Variants in ACE observed in about 807,000 individuals in gnomAD.
The protein encoded by ACE is angiotensin I converting enzyme.
ACE carries 122 observed loss-of-function variants against 162.3 expected under a neutral mutation model. The observed-to-expected ratio is 0.75, with a 90% CI of 0.65 to 0.87. ACE has a LOEUF of 0.87. Among genes scored for constraint, ACE ranks in the 40% least tolerant of loss-of-function variants. The pLI, the probability that ACE is intolerant of heterozygous loss-of-function variation, is 0.00. For missense variants in ACE, 1,799 were observed against 1,735.1 expected, an observed-to-expected ratio of 1.04 and a Z score of -0.65; for synonymous variants, 796 against 720.6, an observed-to-expected ratio of 1.10 and a Z score of -1.68.
intron 13 of ACE, 166 bp from the exon 14 acceptor site, chr17:63,486,391 C>T (rs1391030335): frequency 1.8e-5 from 13 of 738,190 alleles, no homozygotes; most frequent in South Asian, 1.3e-4. Flanking sequence ...GCATCCAGGA[C>T]GTTATCAGCG....
Position 63,489,056 on chromosome 17 carries a change from C to T in ACE, c.2565C>T (p.Tyr855=), listed in dbSNP as rs775109143. The stretch of plus-strand genomic sequence containing the variant: ...CACTCTACCTCAACCTGCATGCCTA[C>T]GTGCGCCGGGCCCTGCACCGTCACT... ...LQPLYLNLHA[Y]VRRALHRHYG... Residue 855 remains tyrosine (Y), a synonymous_variant, in exon 17 of 25, where the codon TAC becomes TAT. Transcript: ENST00000290866. 7 of 1,613,994 alleles carry T rather than the reference C, an allele frequency of 4.3e-6. No individual in the cohort carries two copies. Among genetic ancestry groups the T allele is most frequent in the East Asian group, 2.2e-5 (1 of 44,896 alleles).
In ACE at chr17:63,497,782, G is replaced by C; in HGVS notation, c.*416G>C. 1 of 375,940 alleles carries C rather than the reference G, an allele frequency of 2.7e-6. No individual in the cohort carries two copies. The highest frequency in any genetic ancestry group is 2.2e-5 in the South Asian group (1 of 45,980). The allele number at this position is 375,940 out of a possible 1,614,324, so 23.3% of individuals were successfully genotyped here. On this transcript the variant is annotated 3_prime_UTR_variant, in exon 25 of 25. Coordinates refer to ENST00000290866, the MANE Select transcript of ACE (RefSeq NM_000789.4). ...TGCCCCAGCACCTCCTGGCGCTGGCGCCTGTCTTCCCTCCAGCCCAGGCAG... is the reference window on the plus strand; with the variant it reads ...TGCCCCAGCACCTCCTGGCGCTGGCCCCTGTCTTCCCTCCAGCCCAGGCAG...
chr17:63,483,827 G>T, intron 10 of ACE, 22 bp from the exon 11 acceptor site: 1 of 1,613,806 alleles, frequency 6.2e-7, no homozygotes, highest in South Asian at 1.1e-5. Flanking sequence ...GATCTTCCCT[G>T]ACTCCCACCC....
intron 17 of ACE, chr17:63,490,424 G>A (rs2030293340): frequency 5.0e-6 from 1 of 200,144 alleles, no homozygotes; most frequent in South Asian, 9.7e-5. Flanking sequence ...AGTGGCTGGT[G>A]AAGAGAGCAG....
At chr17:63,478,941 C>A in intron 2 of ACE, 66 bp from the exon 3 acceptor site, 5 of 1,390,020 alleles carry the variant, frequency 3.6e-6, no homozygotes, top group South Asian at 1.2e-5. Context: ...CTCCTTCTAG[C>A]AGCGAGGGGA....
Position 63,477,334 on chromosome 17 carries a change from A to T in ACE, c.240A>T (p.Ala80=). 3 of 1,322,258 alleles carry T rather than the reference A, an allele frequency of 2.3e-6. No individual in the cohort carries two copies. Among genetic ancestry groups the T allele is most frequent in the South Asian group, 1.8e-5 (1 of 54,350 alleles). 81.9% of individuals were successfully genotyped at this position (1,322,258 alleles called of 1,614,324 possible). A position where few individuals can be genotyped will look rare whatever the true frequency, so the allele number is the denominator to read the frequency against. ...ACACCAACATCACCGCGGAGAATGC[A>T]AGGCGCCAGGTGGGCGCCCGGGCCC... ...AHDTNITAEN[A]RRQEEAALLS... The change falls in exon 1 of 25, where the codon GCA becomes GCT. Residue 80 remains alanine (A), a synonymous_variant. Coordinates refer to ENST00000290866, the MANE Select transcript of ACE (RefSeq NM_000789.4).
In ACE at chr17:63,483,554, A is replaced by G; in HGVS notation, c.1582A>G (p.Ile528Val). ...TCATGTTCCAAATGTGACACCATAC[A>G]TCAGGTATTAGCGCCCCCACCCCAC... ...KFHVPNVTPY[I>V]RYFVSFVLQF... The change falls in exon 10 of 25, where the codon ATC becomes GTC. Residue 528 changes from isoleucine to valine, a missense_variant. Transcript: ENST00000290866. The G allele has an allele frequency of 2.5e-6, 4 of 1,613,594 alleles. No individual in the cohort carries two copies. Among genetic ancestry groups the G allele is most frequent in the Admixed American group, 3.3e-5 (2 of 59,992 alleles).
At position 63,481,580 on chromosome 17, in the gene ACE, G is replaced by A. The variant is rs547724686; in HGVS notation, c.960G>A (p.Thr320=). ...CCCTCCTCCAGGGCTGGAACGCCAC[G>A]CACATGTTCCGGGTGGCAGAGGAGT... ...STMLQQGWNA[T]HMFRVAEEFF... The change falls in exon 7 of 25, where the codon ACG becomes ACA. Residue 320 remains threonine (T), a synonymous_variant. Coordinates refer to ENST00000290866, the MANE Select transcript of ACE (RefSeq NM_000789.4). The A allele has an allele frequency of 2.5e-4, 397 of 1,613,900 alleles. 4 individuals carry two copies. The South Asian group carries it at 3.8e-3, about 15-fold the overall frequency.
chr17:63,478,279 T>A, intron 2 of ACE, 181 bp downstream of exon 2: 2 of 776,232 alleles, frequency 2.6e-6, no homozygotes, highest in Non-Finnish European at 4.0e-6. Context: ...GGAGATGGGG[T>A]GGGGAGTTAC....
chr17:63,490,860 G>T, intron 17 of ACE, 94 bp from the exon 18 acceptor site: 1 of 1,151,394 alleles, frequency 8.7e-7, no homozygotes, highest in Non-Finnish European at 1.3e-6. Flanking sequence ...TGATTAGCAG[G>T]ACTGGGATCT....
Position 63,491,760 on chromosome 17 carries a change from G to A in ACE, c.2912+379G>A, listed in dbSNP as rs2030400350. Among the ~76,000 whole-genome samples the A allele has an allele frequency of 6.6e-6, 1 of 152,208 alleles. No individual in the cohort carries two copies. The highest frequency in any genetic ancestry group is 2.1e-4 in the South Asian group (1 of 4,828). ...ACGAGGATGTTGGGTGCTCTGTACA[G>A]ATCCACTCTCACCCCTGACAGGCTC... On this transcript the variant is annotated intron_variant, in intron 19 of 24. Coordinates refer to ENST00000290866, the MANE Select transcript of ACE (RefSeq NM_000789.4). The surrounding 1 kb of genome is among the most constrained non-coding windows in gnomAD (Gnocchi z 4.4).
intron 20 of ACE, 117 bp downstream of exon 20, chr17:63,493,776 G>GA: frequency 6.6e-7 from 1 of 1,519,196 alleles, no homozygotes; most frequent in South Asian, 1.2e-5. Flanking sequence ...AGAGCAATCG[G>GA]AAGGAAGGGA....
intron 19 of ACE, 125 bp from the exon 20 acceptor site, chr17:63,493,311 C>A: frequency 1.1e-6 from 1 of 891,080 alleles, no homozygotes; most frequent in Non-Finnish European, 1.8e-6. Context: ...CCCCACAGTG[C>A]TGTGTCCCCT....
rs2030827726 is a variant in ACE, at chr17:63,497,327, G to A, written c.3882G>A (p.Gly1294=). 6.5e-7 allele frequency: 1 copy of A among 1,548,792 alleles called. No individual in the cohort carries two copies. The highest frequency in any genetic ancestry group is 8.7e-7 in the Non-Finnish European group (1 of 1,147,188). ...RHRSLHRHSH[G]PQFGSEVELR... ...GCAGCCTCCACCGGCACTCCCACGG[G>A]CCCCAGTTCGGCTCCGAGGTGGAGC... Residue 1294 remains glycine (G), a synonymous_variant, in exon 25 of 25, where the codon GGG becomes GGA. Transcript: ENST00000290866.
At position 63,494,098 on chromosome 17, in the gene ACE, G is replaced by C. The variant is rs770840326; in HGVS notation, c.3281+32G>C. On this transcript the variant is annotated intron_variant, in intron 21 of 24. Coordinates refer to ENST00000290866, the MANE Select transcript of ACE (RefSeq NM_000789.4). The stretch of plus-strand genomic sequence containing the variant: ...GAACACTCCCACGGGATGCGGGCTG[G>C]GGGATCTCTGCGAGTGTCTGCATGT... 3.1e-6 allele frequency: 5 copies of C among 1,612,640 alleles called. No individual in the cohort carries two copies. The Admixed American group carries it at 8.3e-5, about 27-fold the overall frequency.
At chr17:63,483,275 A>G in intron 9 of ACE, 102 bp downstream of exon 9, 1 of 1,589,578 alleles carries the variant, frequency 6.3e-7, no homozygotes, top group Non-Finnish European at 8.6e-7. Flanking sequence ...TCTCCTCTCT[A>G]ATGATGTCCC....
At chr17:63,483,790 A>G in intron 10 of ACE, 59 bp from the exon 11 acceptor site, 1 of 1,611,966 alleles carries the variant, frequency 6.2e-7, no homozygotes, top group Non-Finnish European at 8.5e-7. Flanking sequence ...GTGCCTGGGT[A>G]AGGAACCCCT....
rs372143589 is a variant in ACE, at chr17:63,497,171, C to T, written c.3726C>T (p.Arg1242=). The T allele has an allele frequency of 2.8e-5, 45 of 1,604,068 alleles. No homozygotes were observed. The highest frequency in any genetic ancestry group is 3.6e-4 in the Middle Eastern group (2 of 5,528). ...RSEGPLPDSG[R]VSFLGLDLDA... ...AAGGGCCCCTCCCAGACAGCGGCCG[C>T]GTCAGCTTCCTGGGCCTGGACCTGG... The change falls in exon 25 of 25, where the codon CGC becomes CGT. Residue 1242 remains arginine (R), a synonymous_variant. Coordinates refer to ENST00000290866, the MANE Select transcript of ACE (RefSeq NM_000789.4).
At chr17:63,487,528 C>T (rs2030040091) in intron 15 of ACE, among the ~76,000 whole-genome samples, 1 of 152,162 alleles carries the variant, frequency 6.6e-6, no homozygotes, top group Admixed American at 6.5e-5. Context: ...TCACACAGCC[C>T]CTGAAAGCGC....
Sources: allele counts gnomAD v4.1 joint callset (sites outside exome capture counted in the v4.1 genomes callset), GRCh38; gene constraint gnomAD v4.1.1; non-coding constraint Gnocchi (gnomAD v3.1); transcripts MANE v1.5; gene names NCBI Gene and HGNC (gene_info 2026-07-23, HGNC 2026-07-21).